CAMK1D: variants seen among roughly 807,000 people sequenced by gnomAD.
CAMK1D encodes calcium/calmodulin dependent protein kinase ID.
A neutral mutation model predicts 47.7 loss-of-function variants in CAMK1D; 9 were observed. That is an observed-to-expected ratio of 0.19 (90% CI 0.11 to 0.33). CAMK1D has a LOEUF of 0.33. Among genes scored for constraint, CAMK1D ranks in the 10% least tolerant of loss-of-function variants. CAMK1D has a pLI of 1.00. For synonymous variants in CAMK1D, 184 were observed against 184.9 expected, an observed-to-expected ratio of 0.99 and a Z score of 0.04; for missense variants, 291 against 488.7, an observed-to-expected ratio of 0.60 and a Z score of 3.81.
intron 1 of CAMK1D, among the ~76,000 whole-genome samples, chr10:12,434,026 G>A (rs1004840021): frequency 2.6e-5 from 4 of 152,074 alleles, no homozygotes; most frequent in Admixed American, 6.6e-5. Context: ...GCTGGAATGC[G>A]GTGGTGTGAT....
At chr10:12,624,006 G>C (rs1839128608) in intron 2 of CAMK1D, among the ~76,000 whole-genome samples, 1 of 152,184 alleles carries the variant, frequency 6.6e-6, no homozygotes. Flanking sequence ...TTGAACCCAG[G>C]TGGCAGAGGT....
At chr10:12,710,923 C>T (rs1412005676) in intron 3 of CAMK1D, among the ~76,000 whole-genome samples, 1 of 152,180 alleles carries the variant, frequency 6.6e-6, no homozygotes, top group Non-Finnish European at 1.5e-5. Flanking sequence ...TTGGAGTTTT[C>T]ATCAACTTGT....
intron 1 of CAMK1D, among the ~76,000 whole-genome samples, chr10:12,433,987 T>C (rs982573933): frequency 6.6e-6 from 1 of 152,120 alleles, no homozygotes; most frequent in Admixed American, 6.5e-5. Context: ...ATGATTATTG[T>C]GGGGAAAGGG....
At chr10:12,604,550 T>G (rs1232313551) in intron 2 of CAMK1D, among the ~76,000 whole-genome samples, 1 of 152,142 alleles carries the variant, frequency 6.6e-6, no homozygotes, top group Non-Finnish European at 1.5e-5. Flanking sequence ...CTATTCAGAG[T>G]CTCAGAAACT....
chr10:12,714,500 C>G (rs1295987575), intron 3 of CAMK1D, among the ~76,000 whole-genome samples: 7 of 152,094 alleles, frequency 4.6e-5, no homozygotes, highest in Admixed American at 1.3e-4. Context: ...GCAGGCGGAT[C>G]ACGAGGTCAG....
intron 2 of CAMK1D, among the ~76,000 whole-genome samples, chr10:12,634,199 TC>T (rs1261274381): frequency 3.3e-5 from 5 of 152,230 alleles, no homozygotes; most frequent in Non-Finnish European, 7.3e-5. Flanking sequence ...CTGAGTAATT[TC>T]TTTGCAGGTC....
chr10:12,785,421 G>C (rs542704614), intron 5 of CAMK1D, among the ~76,000 whole-genome samples: 2 of 152,200 alleles, frequency 1.3e-5, no homozygotes, highest in Non-Finnish European at 2.9e-5. Flanking sequence ...GGAGGCATGG[G>C]AGCAGCAGGG....
chr10:12,769,237 C>G (rs533939718), intron 4 of CAMK1D, among the ~76,000 whole-genome samples: 1 of 152,198 alleles, frequency 6.6e-6, no homozygotes, highest in African/African-American at 2.4e-5. Context: ...TGCAGGGCAG[C>G]AGGGCGTGTT....
At chr10:12,801,346 T>TACCTA (rs1174315314) in intron 6 of CAMK1D, among the ~76,000 whole-genome samples, 1 of 87,456 alleles carries the variant, frequency 1.1e-5, no homozygotes. Context: ...TCTATCTATC[T>TACCTA]ATCTATCTTA....
rs1171022066 is a variant in CAMK1D, at chr10:12,361,586, C to T, written c.92+11676C>T. 1.2e-4 allele frequency among the ~76,000 whole-genome samples: 15 copies of T among 126,862 alleles called. No homozygotes were observed. The South Asian group carries it at 2.0e-3, about 17-fold the overall frequency. The allele number at this position is 126,862 out of a possible 152,430, so 83.2% of individuals were successfully genotyped here. A position where few individuals can be genotyped will look rare whatever the true frequency, so the allele number is the denominator to read the frequency against. On this transcript the variant is annotated intron_variant, in intron 1 of 10. Transcript: ENST00000619168. ...TTTTTTTTTAATTGAGATGGAGTCT[C>T]GCTCTGTGGCCCAGGCTGGAGTGCA...
At chr10:12,439,854 G>A (rs536048026) in intron 1 of CAMK1D, among the ~76,000 whole-genome samples, 6 of 152,290 alleles carry the variant, frequency 3.9e-5, no homozygotes, top group African/African-American at 1.2e-4. Flanking sequence ...GGCTGGGGAG[G>A]CCTCACAATC....
chr10:12,553,958 G>A (rs1264896764), intron 2 of CAMK1D, among the ~76,000 whole-genome samples: 1 of 152,172 alleles, frequency 6.6e-6, no homozygotes, highest in Non-Finnish European at 1.5e-5. Flanking sequence ...CACACGTTCC[G>A]ATGGTTTCTC....
At chr10:12,404,828 G>A (rs113700724) in intron 1 of CAMK1D, among the ~76,000 whole-genome samples, 1,725 of 151,856 alleles carry the variant, frequency 0.011, 30 homozygotes, top group African/African-American at 0.039. Flanking sequence ...AGCTGGGACT[G>A]CAAGCATGCG....
chr10:12,793,019 G>A (rs2131004922), intron 6 of CAMK1D, among the ~76,000 whole-genome samples: 1 of 151,894 alleles, frequency 6.6e-6, no homozygotes, highest in Middle Eastern at 3.4e-3. Flanking sequence ...TTTCTCGGGG[G>A]GTGTGGTCAT....
intron 8 of CAMK1D, among the ~76,000 whole-genome samples, chr10:12,821,964 ACT>A (rs1196491032): frequency 2.6e-5 from 4 of 151,862 alleles, no homozygotes; most frequent in Admixed American, 1.3e-4. Context: ...ACAGAGCAAG[ACT>A]CTGTCTCAAA....
At chr10:12,494,101 G>A (rs116027914) in intron 1 of CAMK1D, among the ~76,000 whole-genome samples, 9 of 152,170 alleles carry the variant, frequency 5.9e-5, no homozygotes, top group Non-Finnish European at 1.3e-4. Context: ...TGAGCCTGCC[G>A]TGGTTCCCAA....
intron 2 of CAMK1D, among the ~76,000 whole-genome samples, chr10:12,644,319 C>CA (rs910389397): frequency 2.6e-5 from 4 of 152,032 alleles, no homozygotes; most frequent in African/African-American, 9.7e-5. Flanking sequence ...TAATGTGAGT[C>CA]AAAAAAATAA....
intron 1 of CAMK1D, among the ~76,000 whole-genome samples, chr10:12,447,447 A>T (rs1172803150): frequency 6.6e-6 from 1 of 152,208 alleles, no homozygotes; most frequent in East Asian, 1.9e-4. Flanking sequence ...CATGCCTGTA[A>T]TCCCAACACT....
chr10:12,740,490 C>T, intron 3 of CAMK1D, among the ~76,000 whole-genome samples: 1 of 152,024 alleles, frequency 6.6e-6, no homozygotes, highest in East Asian at 1.9e-4. Context: ...CCCAGCTACT[C>T]GGGAGGCTGA....
Sources: gnomAD v4.1 joint callset for allele counts (sites outside exome capture counted in the v4.1 genomes callset) on GRCh38, gnomAD v4.1.1 for gene constraint, MANE v1.5 for transcripts, NCBI Gene and HGNC (gene_info 2026-07-23, HGNC 2026-07-21) for gene names.